GALK2: variants seen among roughly 807,000 people sequenced by gnomAD.
GALK2 encodes N-acetylgalactosamine kinase.
In GALK2, 36 loss-of-function variants were observed where a neutral mutation model predicts 52.4. That is an observed-to-expected ratio of 0.69 (90% CI 0.53 to 0.91). GALK2 has a LOEUF of 0.91. GALK2 is among the 40% of genes least tolerant of loss of function. GALK2 has a pLI of 0.00. For missense variants in GALK2, 579 were observed against 559.1 expected (o/e 1.04, Z -0.36); for synonymous variants, 176 against 199.1 (o/e 0.88, Z 0.98).
intron 1 of GALK2, among the ~76,000 whole-genome samples, chr15:49,160,835 C>G (rs1196888261): frequency 6.6e-6 from 1 of 151,610 alleles, no homozygotes; most frequent in Non-Finnish European, 1.5e-5. Flanking sequence ...GATCGTGCCA[C>G]TGCACTCTAG....
intron 3 of GALK2, among the ~76,000 whole-genome samples, chr15:49,346,251 C>T (rs371037674): frequency 7.2e-5 from 11 of 152,162 alleles, no homozygotes; most frequent in Admixed American, 4.6e-4. Context: ...TGCGCAAGTG[C>T]GCAACAAATG....
chr15:49,292,631 G>C (rs1227134835), intron 8 of GALK2, 94 bp downstream of exon 8: 1 of 953,724 alleles, frequency 1.0e-6, no homozygotes, highest in African/African-American at 1.7e-5. Flanking sequence ...ATACTTGAGG[G>C]AATTTGGAGA....
At chr15:49,252,676 C>A (rs1397820106) in intron 5 of GALK2, among the ~76,000 whole-genome samples, 3 of 105,732 alleles carry the variant, frequency 2.8e-5, no homozygotes, top group African/African-American at 6.0e-5. Context: ...TACTTATTCA[C>A]TTTTTTATTT....
At chr15:49,337,227 G>A (rs559878982) in intron 3 of GALK2, among the ~76,000 whole-genome samples, 8 of 152,320 alleles carry the variant, frequency 5.3e-5, no homozygotes, top group African/African-American at 1.9e-4. Context: ...GGACTGCTGG[G>A]TTGAACGGTA....
At chr15:49,254,295 T>C (rs973065904) in intron 5 of GALK2, among the ~76,000 whole-genome samples, 3 of 144,054 alleles carry the variant, frequency 2.1e-5, no homozygotes, top group African/African-American at 7.4e-5. Context: ...TTTGTGACCA[T>C]CAAAGACCAT....
intron 1 of GALK2, among the ~76,000 whole-genome samples, chr15:49,176,865 C>T (rs1379982893): frequency 6.6e-6 from 1 of 152,102 alleles, no homozygotes; most frequent in African/African-American, 2.4e-5. Flanking sequence ...GGAAACTTTC[C>T]ACAGCTTCTA....
At chr15:49,325,539 A>G (rs985809392) in intron 9 of GALK2, among the ~76,000 whole-genome samples, 3 of 152,240 alleles carry the variant, frequency 2.0e-5, no homozygotes, top group African/African-American at 7.2e-5. Flanking sequence ...TTTCTATGGC[A>G]TATGCCAAAG....
chr15:49,175,360 C>T (rs1331193875), intron 1 of GALK2, among the ~76,000 whole-genome samples: 1 of 152,136 alleles, frequency 6.6e-6, no homozygotes, highest in African/African-American at 2.4e-5. Flanking sequence ...TGTCCAATAG[C>T]TGCTATTGCT....
Position 49,342,009 on chromosome 15 carries a change from G to A in GALK2, c.426+22204G>A, listed in dbSNP as rs904297825. 2.6e-5 allele frequency among the ~76,000 whole-genome samples: 4 copies of A among 152,258 alleles called. No homozygotes were observed. In the South Asian group the frequency reaches 8.3e-4, roughly 32 times the overall value. Reference sequence around the variant, plus strand: ...AGATGATAGCAATGTATTTTCTGTGGTTGATGGGTGAAGTATTTTGTAGGT... The same window carrying A: ...AGATGATAGCAATGTATTTTCTGTGATTGATGGGTGAAGTATTTTGTAGGT... On this transcript the variant is annotated intron_variant, in intron 3 of 3. Transcript: ENST00000558399.
chr15:49,329,487 C>T lies in GALK2; in HGVS notation c.*1328C>T, dbSNP rs1278112192. 1.0e-6 allele frequency: 1 copy of T among 985,052 alleles called. No individual in the cohort carries two copies. The highest frequency in any genetic ancestry group is 1.7e-5 in the African/African-American group (1 of 57,190). The allele number at this position is 985,052 out of a possible 1,614,324, so 61.0% of individuals were successfully genotyped here. A position where few individuals can be genotyped will look rare whatever the true frequency, so the allele number is the denominator to read the frequency against. On this transcript the variant is annotated 3_prime_UTR_variant, in exon 10 of 10. Coordinates refer to ENST00000560031, the MANE Select transcript of GALK2 (RefSeq NM_002044.4). Reference sequence around the variant, plus strand: ...TGTTTAACTCACAGATTGGGCATCACCATCTAGAATTTCAGTTTAAGGGAG... The same window carrying T: ...TGTTTAACTCACAGATTGGGCATCATCATCTAGAATTTCAGTTTAAGGGAG...
intron 2 of GALK2, among the ~76,000 whole-genome samples, chr15:49,211,722 C>A (rs1219591841): frequency 6.6e-6 from 1 of 152,116 alleles, no homozygotes; most frequent in African/African-American, 2.4e-5. Flanking sequence ...ATGGCTAGAG[C>A]AGGAGGACGA....
chr15:49,241,816 TAAAGAG>T (rs963186770), intron 5 of GALK2, among the ~76,000 whole-genome samples: 8 of 152,200 alleles, frequency 5.3e-5, no homozygotes, highest in Admixed American at 2.0e-4. Flanking sequence ...GGAAAGAAGA[TAAAGAG>T]AAACACTTGA....
chr15:49,340,398 G>A (rs1434573253), intron 3 of GALK2, among the ~76,000 whole-genome samples: 2 of 80,314 alleles, frequency 2.5e-5, no homozygotes, highest in Non-Finnish European at 5.2e-5. Context: ...GTGAGGCAGT[G>A]CCCCGCCCCC....
rs574206741 is a variant in GALK2, at chr15:49,203,202, C to T, written c.142+1952C>T. ...AGTAGCTGGGACTACAGGCACGTGC[C>T]ACCATGCCCAGGTAATTTTTGTATT... On this transcript the variant is annotated intron_variant, in intron 2 of 9. Coordinates refer to ENST00000560031, the MANE Select transcript of GALK2 (RefSeq NM_002044.4). 2.6e-5 allele frequency among the ~76,000 whole-genome samples: 4 copies of T among 152,210 alleles called. No individual in the cohort carries two copies. The South Asian group carries it at 6.2e-4, about 24-fold the overall frequency.
At chr15:49,160,602 C>T (rs1027643523) in intron 1 of GALK2, among the ~76,000 whole-genome samples, 2 of 152,090 alleles carry the variant, frequency 1.3e-5, no homozygotes, top group East Asian at 1.9e-4. Flanking sequence ...CGGTGGCTCA[C>T]ACCTGGAATC....
intron 2 of GALK2, among the ~76,000 whole-genome samples, chr15:49,201,709 A>G (rs2087788671): frequency 6.6e-6 from 1 of 152,172 alleles, no homozygotes; most frequent in African/African-American, 2.4e-5. Context: ...GAATTTTACT[A>G]CCTTTTAGTG....
chr15:49,244,457 A>G (rs1369353043), intron 5 of GALK2, among the ~76,000 whole-genome samples: 1 of 152,208 alleles, frequency 6.6e-6, no homozygotes, highest in East Asian at 1.9e-4. Flanking sequence ...AAGGATCAGA[A>G]ATGTAAATTA....
At position 49,198,208 on chromosome 15, in the gene GALK2, C is replaced by G. The variant is rs933219197; in HGVS notation, c.54-2954C>G. 2.0e-5 allele frequency among the ~76,000 whole-genome samples: 3 copies of G among 152,082 alleles called. 1 individual carries two copies. The highest frequency in any genetic ancestry group is 4.4e-5 in the Non-Finnish European group (3 of 68,016). ...GTTGTTGTTGAGATGGAGTTTTGCT[C>G]TTGTTGCCCAGGCTGGAGTGCAATG... On this transcript the variant is annotated intron_variant, in intron 1 of 9. Coordinates refer to ENST00000560031, the MANE Select transcript of GALK2 (RefSeq NM_002044.4).
At chr15:49,213,933 C>T (rs565824570) in intron 2 of GALK2, among the ~76,000 whole-genome samples, 47 of 151,960 alleles carry the variant, frequency 3.1e-4, no homozygotes, top group South Asian at 8.3e-4. Context: ...ATGGCTAACA[C>T]GGTGAAACCC....
Sources: gnomAD v4.1 joint callset for allele counts (sites outside exome capture counted in the v4.1 genomes callset) on GRCh38, gnomAD v4.1.1 for gene constraint, MANE v1.5 for transcripts, NCBI Gene and HGNC (gene_info 2026-07-23, HGNC 2026-07-21) for gene names.